The following FUT9 variants were observed in gnomAD, a reference collection of about 807,000 sequenced individuals.
FUT9 encodes 4-galactosyl-N-acetylglucosaminide 3-alpha-L-fucosyltransferase 9.
Under a neutral mutation model 29.7 loss-of-function variants are expected in FUT9, and 15 were observed. The observed-to-expected ratio is 0.51, with a 90% CI of 0.34 to 0.78. The LOEUF is 0.78. FUT9 is among the 30% of genes least tolerant of loss of function. The probability of loss-of-function intolerance (pLI) is 0.01; values close to 1 mark genes in which losing one functional copy is unlikely to be tolerated. For synonymous variants in FUT9, 169 were observed against 153.7 expected (o/e 1.10, Z -0.74); for missense variants, 319 against 425.4 (o/e 0.75, Z 2.20).
intron 2 of FUT9, among the ~76,000 whole-genome samples, chr6:96,132,388 A>T (rs1369623849): frequency 6.6e-6 from 1 of 152,108 alleles, no homozygotes; most frequent in East Asian, 1.9e-4. Flanking sequence ...TGCCCCCAGT[A>T]GAACGCATCC....
At chr6:96,112,358 T>G (rs1011107150) in intron 1 of FUT9, among the ~76,000 whole-genome samples, 1 of 152,226 alleles carries the variant, frequency 6.6e-6, no homozygotes, top group African/African-American at 2.4e-5. Flanking sequence ...TTACAATGTC[T>G]TATGCATTTG....
intron 2 of FUT9, among the ~76,000 whole-genome samples, chr6:96,149,128 A>G (rs1288576844): frequency 6.6e-6 from 1 of 151,038 alleles, no homozygotes; most frequent in Non-Finnish European, 1.5e-5. Flanking sequence ...CTGCCACTGT[A>G]CCGCAGCCTG....
At chr6:96,125,221 T>C (rs1304840820) in intron 2 of FUT9, among the ~76,000 whole-genome samples, 1 of 152,222 alleles carries the variant, frequency 6.6e-6, no homozygotes, top group Non-Finnish European at 1.5e-5. Context: ...TTAAATCTTG[T>C]GTTTATTTCT....
rs938435678 is a variant in FUT9 at position 96,207,633 on chromosome 6, A to G, written c.*3398A>G. ...CAATTCTTTGTAAGAAACTCATGAA[A>G]AAGATATATTGATTCAACAAAATTG... On this transcript the variant is annotated 3_prime_UTR_variant, in exon 3 of 3. Transcript: ENST00000302103. 1 of 167,028 alleles carries G rather than the reference A, an allele frequency of 6.0e-6. No individual in the cohort carries two copies. Among genetic ancestry groups the G allele is most frequent in the African/African-American group, 2.4e-5 (1 of 41,454 alleles). The allele number at this position is 167,028 out of a possible 1,614,324, so 10.3% of individuals were successfully genotyped here. A position where few individuals can be genotyped will look rare whatever the true frequency, so the allele number is the denominator to read the frequency against.
intron 2 of FUT9, among the ~76,000 whole-genome samples, chr6:96,116,038 G>GTAAA (rs1771905164): frequency 6.6e-6 from 1 of 152,086 alleles, no homozygotes; most frequent in African/African-American, 2.4e-5. Flanking sequence ...CATCAGACTT[G>GTAAA]TAAATCATGT....
At chr6:96,121,175 C>T (rs967382765) in intron 2 of FUT9, among the ~76,000 whole-genome samples, 8 of 152,134 alleles carry the variant, frequency 5.3e-5, no homozygotes, top group Non-Finnish European at 8.8e-5. Context: ...GGGTCAAAAT[C>T]AATGTCTATG....
At position 96,107,984 on chromosome 6, in the gene FUT9, C is replaced by CTTT. The variant is rs753293696; in HGVS notation, c.-97-6042_-97-6040dup. On this transcript the variant is annotated intron_variant, in intron 1 of 2. Transcript: ENST00000302103. The stretch of plus-strand genomic sequence containing the variant: ...AAATCATGCACGTCTCTCATGGCCA[C>CTTT]TTTTTTTTTTTTTTTGTCAGATATT... Among the ~76,000 whole-genome samples the CTTT allele has an allele frequency of 3.7e-3, 526 of 140,778 alleles. 5 individuals are homozygous for CTTT. Among genetic ancestry groups the CTTT allele is most frequent in the African/African-American group, 0.011 (419 of 38,766 alleles). 92.4% of individuals were successfully genotyped at this position (140,778 alleles called of 152,430 possible).
intron 2 of FUT9, among the ~76,000 whole-genome samples, chr6:96,155,965 T>G (rs750578545): frequency 2.0e-5 from 3 of 152,220 alleles, no homozygotes; most frequent in African/African-American, 4.8e-5. Context: ...TTGCTTTTTG[T>G]TAACTTTTCT....
chr6:96,097,917 A>G (rs1284140120), intron 1 of FUT9, among the ~76,000 whole-genome samples: 1 of 152,110 alleles, frequency 6.6e-6, no homozygotes, highest in Non-Finnish European at 1.5e-5. Context: ...ATACAAAAAA[A>G]TATGCATACA....
chr6:96,158,344 C>T (rs1772829156), intron 2 of FUT9, among the ~76,000 whole-genome samples: 1 of 152,000 alleles, frequency 6.6e-6, no homozygotes, highest in African/African-American at 2.4e-5. Context: ...AAACACTATA[C>T]AAAGTAAGTT....
intron 1 of FUT9, among the ~76,000 whole-genome samples, chr6:96,072,035 A>T (rs1052139844): frequency 3.3e-5 from 5 of 152,196 alleles, no homozygotes; most frequent in Non-Finnish European, 7.3e-5. Context: ...ACTTCATGAA[A>T]TACATTCTAT....
intron 2 of FUT9, among the ~76,000 whole-genome samples, chr6:96,157,844 C>G (rs1772819314): frequency 6.6e-6 from 1 of 152,064 alleles, no homozygotes. Context: ...GTCTTCAAAT[C>G]TACTCCTGTC....
intron 1 of FUT9, among the ~76,000 whole-genome samples, chr6:96,059,798 A>C (rs761877473): frequency 6.6e-6 from 1 of 152,216 alleles, no homozygotes; most frequent in East Asian, 1.9e-4. Context: ...GTGTGAATAT[A>C]AAGCAATGAG....
chr6:96,184,754 C>A (rs9399811), intron 2 of FUT9, among the ~76,000 whole-genome samples: 26,008 of 151,900 alleles, frequency 0.17, 2,473 homozygotes, highest in Admixed American at 0.25. Context: ...TATTTATTTG[C>A]ATGGTTTTGA....
intron 1 of FUT9, among the ~76,000 whole-genome samples, chr6:96,106,213 CCCTTCCTTCCTTCCTT>C (rs58462407): frequency 7.3e-6 from 1 of 137,142 alleles, no homozygotes; most frequent in African/African-American, 2.6e-5. Flanking sequence ...AATCCATCAA[CCCTTCCTTCCTTCCTT>C]CCTTCCTTCC....
intron 2 of FUT9, among the ~76,000 whole-genome samples, chr6:96,119,717 ATAAG>A (rs1353293650): frequency 3.3e-5 from 5 of 152,204 alleles, no homozygotes; most frequent in African/African-American, 9.6e-5. Context: ...TGCAATTTTT[ATAAG>A]TAAGTGTGAT....
At chr6:96,169,670 C>T (rs1350706770) in intron 2 of FUT9, among the ~76,000 whole-genome samples, 1 of 152,074 alleles carries the variant, frequency 6.6e-6, no homozygotes, top group Non-Finnish European at 1.5e-5. Flanking sequence ...AAGAACTATT[C>T]TAAAGTACTT....
chr6:96,060,275 A>C (rs549219977), intron 1 of FUT9, among the ~76,000 whole-genome samples: 1 of 152,310 alleles, frequency 6.6e-6, no homozygotes, highest in South Asian at 2.1e-4. Context: ...ATTCCACAGA[A>C]TATGAACACC....
chr6:96,016,306 T>C (rs1769977306), intron 1 of FUT9, 94 bp downstream of exon 1: 2 of 152,402 alleles, frequency 1.3e-5, no homozygotes, highest in Admixed American at 6.5e-5. Context: ...CCAGCTGCTG[T>C]GATTCCCCGT....
Sources: allele counts gnomAD v4.1 joint callset (sites outside exome capture counted in the v4.1 genomes callset), GRCh38; gene constraint gnomAD v4.1.1; transcripts MANE v1.5; gene names NCBI Gene and HGNC (gene_info 2026-07-23, HGNC 2026-07-21).